The following LIN54 variants were observed in gnomAD, a reference collection of about 807,000 sequenced individuals.
LIN54 encodes the protein protein lin-54 homolog.
A neutral mutation model predicts 78.7 loss-of-function variants in LIN54; 9 were observed. The ratio of observed to expected loss-of-function variants is 0.11; its 90% CI spans 0.07 to 0.20. LIN54 has a LOEUF of 0.20. Ranked by LOEUF, LIN54 falls within the 10% of genes least tolerant of loss-of-function variation. The probability of loss-of-function intolerance (pLI) is 1.00; values close to 1 mark genes in which losing one functional copy is unlikely to be tolerated. For missense variants in LIN54, 573 were observed against 889.9 expected (o/e 0.64, Z 4.53); for synonymous variants, 269 against 318.4 (o/e 0.84, Z 1.65).
rs537055067 is a variant in LIN54 at position 82,984,938 on chromosome 4, CA to C, written c.-32-63del. ...TTTCAAAAGATGTAAGAAAAAAATT[CA>C]AAAAAAATGCAAATGGCAAAATGAC... On this transcript the variant is annotated intron_variant, in intron 1 of 12. Transcript: ENST00000340417. 4.7e-4 allele frequency: 559 copies of C among 1,182,014 alleles called. 1 individual carries two copies. In the African/African-American group the frequency reaches 5.7e-3, roughly 12 times the overall value. 73.2% of individuals were successfully genotyped at this position (1,182,014 alleles called of 1,614,324 possible).
intron 4 of LIN54, among the ~76,000 whole-genome samples, chr4:82,964,841 A>G (rs1725076685): frequency 6.6e-6 from 1 of 152,070 alleles, no homozygotes; most frequent in South Asian, 2.1e-4. Flanking sequence ...GCGAAACTAC[A>G]TGTCTACTAA....
At chr4:82,998,185 T>A (rs1423003609) in intron 1 of LIN54, among the ~76,000 whole-genome samples, 1 of 151,882 alleles carries the variant, frequency 6.6e-6, no homozygotes, top group East Asian at 1.9e-4. Context: ...GTTTTCATTC[T>A]TGTACATAAA....
chr4:82,968,581 CTT>C (rs1295340174), intron 4 of LIN54, among the ~76,000 whole-genome samples: 1 of 152,056 alleles, frequency 6.6e-6, no homozygotes, highest in Non-Finnish European at 1.5e-5. Context: ...GCAATAATCT[CTT>C]AGTGATTCTC....
At chr4:82,932,191 T>A (rs1722015171) in intron 11 of LIN54, among the ~76,000 whole-genome samples, 1 of 149,972 alleles carries the variant, frequency 6.7e-6, no homozygotes, top group Non-Finnish European at 1.5e-5. Context: ...GCCTCCCAGG[T>A]TCACGCCATT....
At chr4:83,012,730 G>A (rs1333203467), upstream of LIN54, 1 of 150,716 alleles carries the variant, frequency 6.6e-6, no homozygotes, top group East Asian at 2.0e-4. Flanking sequence ...CTCGCAGCGG[G>A]GGCCGGTTCC....
intron 4 of LIN54, among the ~76,000 whole-genome samples, chr4:82,947,236 T>TATATATATATATATATA (rs1553949048): frequency 4.5e-4 from 2 of 4,470 alleles, no homozygotes; most frequent in African/African-American, 4.0e-4. Context: ...TATATATATA[T>TATATATATATATATATA]TTTTTTTTTT....
chr4:82,996,561 A>G (rs761992635), intron 1 of LIN54, among the ~76,000 whole-genome samples: 1 of 151,890 alleles, frequency 6.6e-6, no homozygotes, highest in Non-Finnish European at 1.5e-5. Context: ...ATGTGCTACC[A>G]TGCCTGGCTA....
upstream of LIN54, among the ~76,000 whole-genome samples, chr4:83,010,981 G>C (rs1029371992): frequency 6.6e-6 from 1 of 152,190 alleles, no homozygotes; most frequent in African/African-American, 2.4e-5. Context: ...CCCCCGGGCG[G>C]AGCACGGGCC....
rs931132559 is a variant in LIN54, at chr4:82,927,786, A to G, written c.*316T>C. 2.4e-5 allele frequency: 6 copies of G among 252,778 alleles called. No homozygotes were observed. The highest frequency in any genetic ancestry group is 5.0e-5 in the Admixed American group (1 of 20,188). The allele number at this position is 252,778 out of a possible 1,614,324, so 15.7% of individuals were successfully genotyped here. On this transcript the variant is annotated 3_prime_UTR_variant, in exon 13 of 13. Transcript: ENST00000340417. ...AGTCATACAACACCATACATTATAA[A>G]TTATATGAATTTATAAACATTTTTT...
intron 2 of LIN54, among the ~76,000 whole-genome samples, chr4:82,982,722 A>C (rs1441638120): frequency 6.6e-6 from 1 of 152,218 alleles, no homozygotes; most frequent in Non-Finnish European, 1.5e-5. Flanking sequence ...AATGAACAAG[A>C]AAGAGCACTA....
At chr4:82,934,404 TCAAAAA>T (rs1466450952) in intron 11 of LIN54, among the ~76,000 whole-genome samples, 14 of 152,176 alleles carry the variant, frequency 9.2e-5, no homozygotes, top group Non-Finnish European at 1.8e-4. Context: ...AGACTCCGTC[TCAAAAA>T]CAAAATAACA....
In LIN54 at chr4:82,936,302, T is replaced by C; in HGVS notation, c.1684A>G (p.Asn562Asp). 1 of 1,572,310 alleles carries C rather than the reference T, an allele frequency of 6.4e-7. No individual in the cohort carries two copies. Among genetic ancestry groups the C allele is most frequent in the Non-Finnish European group, 8.7e-7 (1 of 1,154,228 alleles). Reference protein sequence around the residue: ...TNCYNNLEHENERQKAIKACL... With the variant: ...TNCYNNLEHEDERQKAIKACL... ...ACCTTTATTGCTTTTTGCCTTTCAT[T>C]TTCATGTTCCAAATTGTTGTAACAA... Residue 562 changes from asparagine to aspartate, a missense_variant, in exon 10 of 13, where the codon AAT (asparagine) becomes GAT (aspartate). Transcript: ENST00000340417.
rs762865158 is a variant in LIN54 at position 82,939,754 on chromosome 4, A to C, written c.1243-18T>G. ...GGAACAACCTAAAAAGAAGGGACAT[A>C]TATCAATGACCACAAAATAAATTTT... On this transcript the variant is annotated intron_variant, in intron 6 of 12. Coordinates refer to ENST00000340417, the MANE Select transcript of LIN54 (RefSeq NM_194282.4). The C allele has an allele frequency of 4.3e-6, 7 of 1,613,634 alleles. No individual in the cohort carries two copies. Among genetic ancestry groups the C allele is most frequent in the Middle Eastern group, 3.3e-4 (2 of 6,062 alleles).
At position 82,936,397 on chromosome 4, in the gene LIN54, C is replaced by G; in HGVS notation, c.1605-16G>C. 7.1e-7 allele frequency: 1 copy of G among 1,401,586 alleles called. No homozygotes were observed. Among genetic ancestry groups the G allele is most frequent in the South Asian group, 1.2e-5 (1 of 80,274 alleles). The allele number at this position is 1,401,586 out of a possible 1,614,324, so 86.8% of individuals were successfully genotyped here. A position where few individuals can be genotyped will look rare whatever the true frequency, so the allele number is the denominator to read the frequency against. ...ATCACAATACCTGAAAGGTAAAAGT[C>G]AGTATAAGGTAAAAAGTCATTATTA... On this transcript the variant is annotated splice_polypyrimidine_tract_variant and intron_variant, in intron 9 of 12. Transcript: ENST00000340417.
chr4:82,964,265 G>A (rs2126064625), intron 4 of LIN54, among the ~76,000 whole-genome samples: 1 of 152,248 alleles, frequency 6.6e-6, no homozygotes, highest in African/African-American at 2.4e-5. Context: ...TGGCCAGACT[G>A]GTCTCAAACT....
In LIN54 at chr4:82,982,368, G is replaced by A. The variant is rs71597927; in HGVS notation, c.684+1793C>T. Among the ~76,000 whole-genome samples, 1,074 of 152,080 alleles carry A rather than the reference G, an allele frequency of 7.1e-3. 5 individuals are homozygous for A. Among genetic ancestry groups the A allele is most frequent in the Non-Finnish European group, 0.012 (822 of 67,988 alleles). ...CTCAGCCTCCTGAGTACCTGGGACC[G>A]CAAGTGTGCGCCACCATGCTGGGCT... On this transcript the variant is annotated intron_variant, in intron 2 of 12. Transcript: ENST00000340417.
At chr4:82,947,226 TATA>T (rs1162451750) in intron 4 of LIN54, among the ~76,000 whole-genome samples, 27 of 28,172 alleles carry the variant, frequency 9.6e-4, no homozygotes, top group African/African-American at 3.0e-3. Flanking sequence ...TATATATATA[TATA>T]TATATATTTT....
At chr4:82,965,566 T>C in intron 4 of LIN54, among the ~76,000 whole-genome samples, 1 of 152,186 alleles carries the variant, frequency 6.6e-6, no homozygotes. Flanking sequence ...CAGGTATCCA[T>C]TACAGCAAGG....
At chr4:82,992,605 G>A (rs1268079734) in intron 1 of LIN54, among the ~76,000 whole-genome samples, 2 of 152,150 alleles carry the variant, frequency 1.3e-5, no homozygotes, top group Non-Finnish European at 2.9e-5. Context: ...AGCAAACCAC[G>A]ACACAGTGGC....
Sources: gnomAD v4.1 joint callset for allele counts (sites outside exome capture counted in the v4.1 genomes callset) on GRCh38, gnomAD v4.1.1 for gene constraint, MANE v1.5 for transcripts, NCBI Gene and HGNC (gene_info 2026-07-23, HGNC 2026-07-21) for gene names.